The following ORC6 variants were observed in gnomAD, a reference collection of about 807,000 sequenced individuals.
ORC6 encodes the protein origin recognition complex, subunit 6 homolog-like (yeast).
ORC6 carries 31 observed loss-of-function variants against 30.0 expected under a neutral mutation model. The ratio of observed to expected loss-of-function variants is 1.03; its 90% CI spans 0.78 to 1.40. The LOEUF (loss-of-function observed/expected upper bound fraction) is 1.40, where lower values mean the gene tolerates loss of function less well. Among genes scored for constraint, ORC6 ranks in the 40% most tolerant of loss-of-function variants. The pLI, the probability that ORC6 is intolerant of heterozygous loss-of-function variation, is 0.00. For missense variants in ORC6, 340 were observed against 304.3 expected (o/e 1.12, Z -0.87); for synonymous variants, 136 against 111.2 (o/e 1.22, Z -1.40).
At chr16:46,693,253 TCTAA>T (rs1385984667) in intron 4 of ORC6, 71 bp downstream of exon 4, 1 of 898,430 alleles carries the variant, frequency 1.1e-6, no homozygotes, top group East Asian at 2.4e-5. Flanking sequence ...AAGGAATACT[TCTAA>T]CTTAGTTGAT....
intron 2 of ORC6, among the ~76,000 whole-genome samples, chr16:46,691,510 T>G (rs184971376): frequency 2.6e-5 from 4 of 152,370 alleles, no homozygotes; most frequent in Admixed American, 2.6e-4. Context: ...CTACCTCTGT[T>G]AGCCTCCAGT....
rs748691919 is a variant in ORC6, at chr16:46,691,048, C to T, written c.123C>T (p.Arg41=). Residue 41 remains arginine, a synonymous_variant, in exon 2 of 7, where the codon CGC becomes CGT. Transcript: ENST00000219097. ...SRVKCVGLSA[R]TTETSSAVMC... is the part of the protein sequence containing the mutation. ...TGAAGTGTGTCGGCCTCTCCGCACG[C>T]ACCACGGAGACCAGCAGTGCAGTCA... 8.7e-6 allele frequency: 14 copies of T among 1,613,784 alleles called. No individual in the cohort carries two copies. The highest frequency in any genetic ancestry group is 1.3e-5 in the African/African-American group (1 of 74,934).
Position 46,697,449 on chromosome 16 carries a change from TTC to T in ORC6, c.632-7_632-6del. On this transcript the variant is annotated splice_polypyrimidine_tract_variant and splice_region_variant and intron_variant, in intron 6 of 6. Coordinates refer to ENST00000219097, the MANE Select transcript of ORC6 (RefSeq NM_014321.4). ...AATTTTGAAATTGCTTTTGATAATTTTCTGTCAGAAATGGAGAAGGTAGAGGA... is the reference window on the plus strand; with the variant it reads ...AATTTTGAAATTGCTTTTGATAATTTTGTCAGAAATGGAGAAGGTAGAGGA... 1 of 1,610,586 alleles carries T rather than the reference TTC, an allele frequency of 6.2e-7. No individual in the cohort carries two copies. The highest frequency in any genetic ancestry group is 8.5e-7 in the Non-Finnish European group (1 of 1,177,356).
rs1423583683 is a variant in ORC6, at chr16:46,694,631, G to GT, written c.450-931_450-930insT. ...AGGGGCGGCCGGGGCGGCTGGCCGG[G>GT]CGGGGGGCTGACCCCCCCACAACAC... is the stretch of plus-strand genomic sequence containing the variant. On this transcript the variant is annotated intron_variant, in intron 4 of 6. Transcript: ENST00000219097. The GT allele has an allele frequency of 5.5e-5, 8 of 146,484 alleles. 2 individuals are homozygous for GT. Among genetic ancestry groups the GT allele is most frequent in the East Asian group, 4.0e-4 (2 of 5,028 alleles). The allele number at this position is 146,484 out of a possible 1,614,324, so 9.1% of individuals were successfully genotyped here. A position where few individuals can be genotyped will look rare whatever the true frequency, so the allele number is the denominator to read the frequency against.
chr16:46,690,567 C>G (rs1966423259), intron 1 of ORC6, among the ~76,000 whole-genome samples: 1 of 152,210 alleles, frequency 6.6e-6, no homozygotes, highest in Non-Finnish European at 1.5e-5. Flanking sequence ...CACCTCAAGC[C>G]TGCTGATCAG....
chr16:46,697,289 A>G (rs2143011163), intron 6 of ORC6, among the ~76,000 whole-genome samples, 169 bp from the exon 7 acceptor site: 1 of 152,328 alleles, frequency 6.6e-6, no homozygotes, highest in South Asian at 2.1e-4. Context: ...ATTTGAGTGC[A>G]GCCTGAGCAA....
At chr16:46,695,407 C>A in intron 4 of ORC6, 155 bp from the exon 5 acceptor site, 1 of 640,124 alleles carries the variant, frequency 1.6e-6, no homozygotes, top group Admixed American at 2.8e-5. Flanking sequence ...AACTAAACAA[C>A]TTAGCATAGA....
rs33994299 is a variant in ORC6 at position 46,689,686 on chromosome 16, T to C, written c.-20T>C. 0.43 allele frequency: 681,835 copies of C among 1,592,648 alleles called. 157,941 individuals are homozygous for C. Among genetic ancestry groups the C allele is most frequent in the Non-Finnish European group, 0.48 (565,329 of 1,168,912 alleles). The stretch of plus-strand genomic sequence containing the variant: ...TGACCCGCGGCGTTCACGGGAATTG[T>C]TCGCTTTAGTGCCGGCGCCATGGGG... On this transcript the variant is annotated 5_prime_UTR_variant, in exon 1 of 7. Transcript: ENST00000219097.
intron 1 of ORC6, 98 bp from the exon 2 acceptor site, chr16:46,690,893 G>C: frequency 7.8e-7 from 1 of 1,283,864 alleles, no homozygotes; most frequent in Non-Finnish European, 1.1e-6. Flanking sequence ...ACAGGAGTTA[G>C]GCTTAGTGTG....
At chr16:46,692,861 C>T (rs1966462377) in intron 3 of ORC6, among the ~76,000 whole-genome samples, 1 of 144,190 alleles carries the variant, frequency 6.9e-6, no homozygotes, top group Non-Finnish European at 1.5e-5. Flanking sequence ...GAGCAAGACT[C>T]CGTCTTGGGG....
At chr16:46,690,061 T>C (rs999488081) in intron 1 of ORC6, among the ~76,000 whole-genome samples, 2 of 152,222 alleles carry the variant, frequency 1.3e-5, no homozygotes, top group Non-Finnish European at 2.9e-5. Flanking sequence ...CGCCAACGCC[T>C]ACTGCAGTCG....
chr16:46,693,248 A>G, intron 4 of ORC6, 66 bp downstream of exon 4: 2 of 945,184 alleles, frequency 2.1e-6, no homozygotes, highest in East Asian at 2.4e-5. Flanking sequence ...TCCCCAAGGA[A>G]TACTTCTAAC....
Position 46,690,990 on chromosome 16 carries a change from G to C in ORC6, c.66-1G>C. 1 of 1,614,192 alleles carries C rather than the reference G, an allele frequency of 6.2e-7. No individual in the cohort carries two copies. Among genetic ancestry groups the C allele is most frequent in the Non-Finnish European group, 8.5e-7 (1 of 1,180,028 alleles). On this transcript the variant is annotated splice_acceptor_variant, in intron 1 of 6. Coordinates refer to ENST00000219097, the MANE Select transcript of ORC6 (RefSeq NM_014321.4). LOFTEE classifies it high-confidence loss of function. ...AGCGAACACACTGCCCTTTTAACCA[G>C]GAAAGCAGAGGAGTACTTGCGCCTG...
At position 46,697,666 on chromosome 16, in the gene ORC6, G is replaced by C. The variant is rs769580662; in HGVS notation, c.*81G>C. On this transcript the variant is annotated 3_prime_UTR_variant, in exon 7 of 7. Transcript: ENST00000219097. ...GAAGACTTGACGGCTTTGGGATTTTGTTTAAACTTTTATAATAAGGATCCT... is the reference window on the plus strand; with the variant it reads ...GAAGACTTGACGGCTTTGGGATTTTCTTTAAACTTTTATAATAAGGATCCT... The C allele has an allele frequency of 1.1e-4, 156 of 1,450,712 alleles. 3 individuals carry two copies. In the South Asian group the frequency reaches 1.7e-3, roughly 16 times the overall value. 89.9% of individuals were successfully genotyped at this position (1,450,712 alleles called of 1,614,324 possible). A position where few individuals can be genotyped will look rare whatever the true frequency, so the allele number is the denominator to read the frequency against.
intron 3 of ORC6, among the ~76,000 whole-genome samples, 179 bp downstream of exon 3, chr16:46,692,724 TG>T (rs913863090): frequency 5.5e-4 from 84 of 152,178 alleles, no homozygotes; most frequent in African/African-American, 1.9e-3. Flanking sequence ...AAAAATTAGC[TG>T]GGCGAGGCGT....
chr16:46,691,073 A>G lies in ORC6; in HGVS notation c.148A>G (p.Met50Val). ...CACCACGGAGACCAGCAGTGCAGTCATGTGCCTGGACCTTGCAGCTTCCTG... is the reference window on the plus strand; with the variant it reads ...CACCACGGAGACCAGCAGTGCAGTCGTGTGCCTGGACCTTGCAGCTTCCTG... ...ARTTETSSAV[M>V]CLDLAASWMK... Residue 50 changes from methionine to valine, a missense_variant, in exon 2 of 7, where the codon ATG (methionine) becomes GTG (valine). Physicochemically the swap from Met to Val is conservative, Grantham distance 21. Coordinates refer to ENST00000219097, the MANE Select transcript of ORC6 (RefSeq NM_014321.4). 6.2e-7 allele frequency: 1 copy of G among 1,614,208 alleles called. No homozygotes were observed. The highest frequency in any genetic ancestry group is 1.1e-5 in the South Asian group (1 of 91,082).
chr16:46,691,129 G>A lies in ORC6; in HGVS notation c.195+9G>A, dbSNP rs766610225. ...AGTGCCCCTTGGACAGGGTAAGTAG[G>A]TCCCACCGAATGTCTGAATAATCCA... On this transcript the variant is annotated intron_variant, in intron 2 of 6. Coordinates refer to ENST00000219097, the MANE Select transcript of ORC6 (RefSeq NM_014321.4). 1.9e-6 allele frequency: 3 copies of A among 1,613,780 alleles called. No individual in the cohort carries two copies. The highest frequency in any genetic ancestry group is 2.5e-6 in the Non-Finnish European group (3 of 1,179,822).
chr16:46,689,879 A>T, intron 1 of ORC6, 109 bp downstream of exon 1: 1 of 1,428,232 alleles, frequency 7.0e-7, no homozygotes, highest in South Asian at 1.4e-5. Context: ...AGTGACGGGG[A>T]GCGCTGGGGC....
chr16:46,689,717 G>A lies in ORC6; in HGVS notation c.12G>A (p.Glu4=), dbSNP rs566287766. 32 of 1,601,896 alleles carry A rather than the reference G, an allele frequency of 2.0e-5. 1 individual carries two copies. In the Admixed American group the frequency reaches 2.4e-4, roughly 12 times the overall value. MGS[E]LIGRLAPRLG... ...TTAGTGCCGGCGCCATGGGGTCGGA[G>A]CTGATCGGGCGCCTAGCCCCGCGCC... Residue 4 remains glutamate (E), a synonymous_variant, in exon 1 of 7, where the codon GAG becomes GAA. Transcript: ENST00000219097.
Sources: gnomAD v4.1 joint callset for allele counts (sites outside exome capture counted in the v4.1 genomes callset) on GRCh38, gnomAD v4.1.1 for gene constraint, MANE v1.5 for transcripts, NCBI Gene and HGNC (gene_info 2026-07-23, HGNC 2026-07-21) for gene names.